Variants in KALRN observed in about 807,000 individuals in gnomAD.
KALRN encodes the protein kalirin RhoGEF kinase.
A neutral mutation model predicts 353.7 loss-of-function variants in KALRN; 70 were observed. The ratio of observed to expected loss-of-function variants is 0.20; its 90% CI spans 0.16 to 0.24. The LOEUF (loss-of-function observed/expected upper bound fraction) is 0.24. KALRN is among the 10% of genes least tolerant of loss of function. The pLI, the probability that KALRN is intolerant of heterozygous loss-of-function variation, is 1.00. For missense variants in KALRN, 2,791 were observed against 3,756.7 expected (o/e 0.74, Z 6.72); for synonymous variants, 1,391 against 1,434.8 (o/e 0.97, Z 0.69).
chr3:124,125,907 T>C (rs567777442), intron 1 of KALRN, among the ~76,000 whole-genome samples: 59 of 152,262 alleles, frequency 3.9e-4, no homozygotes, highest in South Asian at 1.4e-3. Flanking sequence ...GCAGGAGTGG[T>C]TCCATGAGTT....
At chr3:124,221,644 T>C (rs987629132) in intron 1 of KALRN, among the ~76,000 whole-genome samples, 3 of 152,222 alleles carry the variant, frequency 2.0e-5, no homozygotes, top group Admixed American at 6.5e-5. Flanking sequence ...ATATGTGTGA[T>C]GGAGGAGGGG....
Position 124,697,608 on chromosome 3 carries a change from C to T in KALRN, c.7715C>T (p.Pro2572Leu). Residue 2572 changes from proline to leucine, a missense_variant, in exon 55 of 60, where the codon CCT (proline) becomes CTT (leucine). Coordinates refer to ENST00000682506, the MANE Select transcript of KALRN (RefSeq NM_001388419.1). ...TVKVQGVPAA[P>L]NRPIAQERSC... is the part of the protein sequence containing the mutation. ...GTCTCCATAGGTGTTCCAGCAGCCC[C>T]TAACCGCCCCATTGCCCAGGAGAGA... 2 of 1,608,566 alleles carry T rather than the reference C, an allele frequency of 1.2e-6. No individual in the cohort carries two copies. Among genetic ancestry groups the T allele is most frequent in the Non-Finnish European group, 1.7e-6 (2 of 1,178,466 alleles).
chr3:124,679,463 G>A lies in KALRN; in HGVS notation c.7323G>A (p.Thr2441=), dbSNP rs371007725. Reference sequence around the variant, plus strand: ...TCCTCATGCTGCCAATCAAGGAGACGAACAGTTCCGAGGAATCAGAGTGTG... The same window carrying A: ...TCCTCATGCTGCCAATCAAGGAGACAAACAGTTCCGAGGAATCAGAGTGTG... ...ILGNKVSVKE[T]NSSEESECDD... Residue 2441 remains threonine (T), a synonymous_variant, in exon 51 of 60, where the codon ACG becomes ACA. Coordinates refer to ENST00000682506, the MANE Select transcript of KALRN (RefSeq NM_001388419.1). 6.8e-6 allele frequency: 11 copies of A among 1,613,442 alleles called. No homozygotes were observed. The South Asian group carries it at 7.7e-5, about 11-fold the overall frequency.
At chr3:124,052,483 C>T (rs2041134936) in intron 1 of KALRN, among the ~76,000 whole-genome samples, 1 of 152,078 alleles carries the variant, frequency 6.6e-6, no homozygotes, top group South Asian at 2.1e-4. Flanking sequence ...ATCCCATGTC[C>T]TTGAACCTTT....
intron 1 of KALRN, among the ~76,000 whole-genome samples, chr3:124,209,492 C>CAAAA (rs5852396): frequency 4.3e-5 from 3 of 70,022 alleles, no homozygotes; most frequent in African/African-American, 1.2e-4. Context: ...CACTCTGTCT[C>CAAAA]AAAAAAAAAA....
chr3:124,041,706 T>G (rs1234669150), intron 1 of KALRN, among the ~76,000 whole-genome samples: 1 of 152,230 alleles, frequency 6.6e-6, no homozygotes, highest in Non-Finnish European at 1.5e-5. Context: ...CCTTCCTGCC[T>G]TTTCTCTGGA....
At chr3:124,215,294 A>G (rs2077225126) in intron 1 of KALRN, among the ~76,000 whole-genome samples, 1 of 152,196 alleles carries the variant, frequency 6.6e-6, no homozygotes. Flanking sequence ...ATTGGGTAGC[A>G]GAGGGAAACA....
chr3:124,387,346 AAG>A (rs1191729990), intron 11 of KALRN, among the ~76,000 whole-genome samples: 2 of 152,220 alleles, frequency 1.3e-5, no homozygotes, highest in Non-Finnish European at 2.9e-5. Flanking sequence ...CAGGTGAAGA[AAG>A]AGAAAGAACT....
At chr3:124,530,011 C>T (rs959153122) in intron 33 of KALRN, among the ~76,000 whole-genome samples, 1 of 152,146 alleles carries the variant, frequency 6.6e-6, no homozygotes, top group Non-Finnish European at 1.5e-5. Context: ...CCCTGCCCCA[C>T]CCCCATCTCA....
chr3:124,242,085 T>C lies in KALRN; in HGVS notation c.263+7142T>C, dbSNP rs184353942. On this transcript the variant is annotated intron_variant, in intron 3 of 59. Coordinates refer to ENST00000682506, the MANE Select transcript of KALRN (RefSeq NM_001388419.1). ...TTACTAATAGGCAATAAAAAAGCCA[T>C]TGAAGAGCTTTTCAGCAGGAGAATG... 3.3e-5 allele frequency among the ~76,000 whole-genome samples: 5 copies of C among 152,268 alleles called. No homozygotes were observed. The East Asian group carries it at 9.6e-4, about 29-fold the overall frequency.
chr3:124,114,664 A>G (rs1175233568), intron 1 of KALRN, among the ~76,000 whole-genome samples: 1 of 152,222 alleles, frequency 6.6e-6, no homozygotes, highest in Non-Finnish European at 1.5e-5. Flanking sequence ...GAGGAAGGAC[A>G]TGGCAGGTAC....
At chr3:124,558,309 A>C (rs1407728425) in intron 33 of KALRN, among the ~76,000 whole-genome samples, 4 of 151,674 alleles carry the variant, frequency 2.6e-5, no homozygotes, top group Non-Finnish European at 4.4e-5. Context: ...AGGGAGTCTC[A>C]CTGTGACTCC....
chr3:124,624,298 G>A (rs761344063), intron 34 of KALRN, among the ~76,000 whole-genome samples: 10 of 152,176 alleles, frequency 6.6e-5, no homozygotes, highest in Non-Finnish European at 1.2e-4. Context: ...CTCCCAAAGC[G>A]CAAGAGTAGT....
At chr3:124,387,219 T>C (rs554029653) in intron 11 of KALRN, among the ~76,000 whole-genome samples, 1 of 152,348 alleles carries the variant, frequency 6.6e-6, no homozygotes, top group East Asian at 1.9e-4. Context: ...CGGATATCTC[T>C]CAAATCTTGC....
At chr3:124,115,487 C>T (rs866901234) in intron 1 of KALRN, among the ~76,000 whole-genome samples, 2 of 152,090 alleles carry the variant, frequency 1.3e-5, no homozygotes, top group African/African-American at 4.8e-5. Flanking sequence ...TTTGGGCGTC[C>T]GTCAGATTAG....
chr3:124,232,903 G>C (rs1371244444), intron 2 of KALRN, among the ~76,000 whole-genome samples: 2 of 152,022 alleles, frequency 1.3e-5, no homozygotes, highest in African/African-American at 4.8e-5. Context: ...GCAGAAACTT[G>C]ATTCTGTTTC....
At chr3:124,294,623 C>G (rs996352) in intron 5 of KALRN, among the ~76,000 whole-genome samples, 1 of 148,852 alleles carries the variant, frequency 6.7e-6, no homozygotes, top group Admixed American at 6.8e-5. Flanking sequence ...CTCCCGGGTT[C>G]AAGTGATTCT....
At chr3:124,483,068 G>A (rs2062153491) in intron 28 of KALRN, among the ~76,000 whole-genome samples, 168 bp downstream of exon 28, 1 of 152,228 alleles carries the variant, frequency 6.6e-6, no homozygotes, top group Admixed American at 6.5e-5. Flanking sequence ...TGGAAATCCA[G>A]ATGCCTATTT....
At chr3:124,183,070 T>C (rs796425045) in intron 1 of KALRN, among the ~76,000 whole-genome samples, 1 of 152,162 alleles carries the variant, frequency 6.6e-6, no homozygotes, top group African/African-American at 2.4e-5. Flanking sequence ...AAATAAGGCT[T>C]TCAAGAGGTG....
Sources: allele counts gnomAD v4.1 joint callset (sites outside exome capture counted in the v4.1 genomes callset), GRCh38; gene constraint gnomAD v4.1.1; transcripts MANE v1.5; gene names NCBI Gene and HGNC (gene_info 2026-07-23, HGNC 2026-07-21).